SCUBE1: variants seen among roughly 807,000 people sequenced by gnomAD.
SCUBE1 encodes the protein signal peptide, CUB domain and EGF like domain containing 1.
SCUBE1 carries 59 observed loss-of-function variants against 124.4 expected under a neutral mutation model. The ratio of observed to expected loss-of-function variants is 0.47; its 90% CI spans 0.38 to 0.59. The LOEUF (loss-of-function observed/expected upper bound fraction) is 0.59. Among genes scored for constraint, SCUBE1 ranks in the 20% least tolerant of loss-of-function variants. The pLI is 0.00. For synonymous variants in SCUBE1, 545 were observed against 550.9 expected, an observed-to-expected ratio of 0.99 and a Z score of 0.15; for missense variants, 1,150 against 1,371.2, an observed-to-expected ratio of 0.84 and a Z score of 2.55.
In SCUBE1 at chr22:43,258,249, C is replaced by A; in HGVS notation, c.697G>T (p.Ala233Ser). Reference protein sequence around the residue: ...GPTCGCHQKYALHSDGRTCIE... With the variant: ...GPTCGCHQKYSLHSDGRTCIE... ...CACGTGCGACCGTCTGAGTGGAGGG[C>A]GTACTTCTGGTGGCAACCACACGTG... Residue 233 changes from alanine (A) to serine (S), a missense_variant, in exon 6 of 22, where the codon GCC becomes TCC. Transcript: ENST00000360835. The surrounding 1 kb of genome is among the most constrained non-coding windows in gnomAD (Gnocchi z 5.0). 6.2e-7 allele frequency: 1 copy of A among 1,613,274 alleles called. No homozygotes were observed. The highest frequency in any genetic ancestry group is 8.5e-7 in the Non-Finnish European group (1 of 1,179,816).
At chr22:43,287,512 G>A (rs1247429347) in intron 4 of SCUBE1, among the ~76,000 whole-genome samples, 1 of 152,224 alleles carries the variant, frequency 6.6e-6, no homozygotes, top group East Asian at 1.9e-4. Context: ...GGTGTGCTCT[G>A]GCGCCTAGAA....
intron 3 of SCUBE1, among the ~76,000 whole-genome samples, chr22:43,300,226 C>T (rs963022042): frequency 2.6e-5 from 4 of 151,848 alleles, no homozygotes; most frequent in African/African-American, 9.7e-5. Context: ...CACCGTTTTA[C>T]ATTTCCAACC....
chr22:43,296,933 G>A (rs1925583620), intron 3 of SCUBE1, among the ~76,000 whole-genome samples: 1 of 152,230 alleles, frequency 6.6e-6, no homozygotes, highest in Admixed American at 6.5e-5. Flanking sequence ...CTTGAAGGCT[G>A]CTCCCCGTGA....
At chr22:43,318,135 C>T (rs1222482524) in intron 3 of SCUBE1, 1 of 152,136 alleles carries the variant, frequency 6.6e-6, no homozygotes, top group East Asian at 1.9e-4. Flanking sequence ...GTCATGGCAG[C>T]CCCAGGAAAC....
chr22:43,214,141 T>G lies in SCUBE1; in HGVS notation c.2002A>C (p.Ser668Arg), dbSNP rs145901798. The part of the protein sequence containing the change: ...EGQLSCTPCP[S>R]SDGLGLPGAR... Reference sequence around the variant, plus strand: ...CCAGGCAGACCAAGCCCGTCGCTGCTGGGGCACGGTGTGCAACTGAGCTGG... The same window carrying G: ...CCAGGCAGACCAAGCCCGTCGCTGCGGGGGCACGGTGTGCAACTGAGCTGG... The change falls in exon 16 of 22, where the codon AGC becomes CGC. Residue 668 changes from serine (S) to arginine (R), a missense_variant. Physicochemically the swap from Ser to Arg is moderately radical, Grantham distance 110 (BLOSUM62 -1). Coordinates refer to ENST00000360835, the MANE Select transcript of SCUBE1 (RefSeq NM_173050.5). The G allele has an allele frequency of 9.9e-6, 15 of 1,520,932 alleles. No individual in the cohort carries two copies. The highest frequency in any genetic ancestry group is 3.6e-6 in the Non-Finnish European group (4 of 1,122,178). 94.2% of individuals were successfully genotyped at this position (1,520,932 alleles called of 1,614,324 possible). A position where few individuals can be genotyped will look rare whatever the true frequency, so the allele number is the denominator to read the frequency against.
chr22:43,321,941 T>C (rs562730869), intron 2 of SCUBE1, among the ~76,000 whole-genome samples: 1 of 152,270 alleles, frequency 6.6e-6, no homozygotes, highest in East Asian at 1.9e-4. Context: ...TAAGGGAGAA[T>C]GTGATATTTT....
At chr22:43,232,740 C>T (rs1432182120) in intron 7 of SCUBE1, among the ~76,000 whole-genome samples, 1 of 152,250 alleles carries the variant, frequency 6.6e-6, no homozygotes, top group East Asian at 1.9e-4. Flanking sequence ...AACTTTCTCC[C>T]TCCCAGCATG....
At chr22:43,223,317 C>G in intron 10 of SCUBE1, 101 bp from the exon 11 acceptor site, 1 of 1,333,466 alleles carries the variant, frequency 7.5e-7, no homozygotes, top group African/African-American at 1.5e-5. Context: ...TCCCCCAACT[C>G]CCTTCTTCCA....
intron 4 of SCUBE1, among the ~76,000 whole-genome samples, chr22:43,272,918 T>C (rs1229754112): frequency 6.6e-6 from 1 of 152,220 alleles, no homozygotes; most frequent in Non-Finnish European, 1.5e-5. Context: ...TGACTTGCCC[T>C]GGTCACGCAG....
At chr22:43,300,654 C>G (rs1202313305) in intron 3 of SCUBE1, among the ~76,000 whole-genome samples, 3 of 152,092 alleles carry the variant, frequency 2.0e-5, no homozygotes, top group Non-Finnish European at 4.4e-5. Context: ...ATATGATTGG[C>G]AAATACTTTT....
chr22:43,297,076 C>T (rs903191870), intron 3 of SCUBE1, among the ~76,000 whole-genome samples: 7 of 152,230 alleles, frequency 4.6e-5, no homozygotes, highest in African/African-American at 1.4e-4. Flanking sequence ...GTCTGGCCCT[C>T]GTCCCACCCA....
At chr22:43,213,023 C>G (rs1921638204) in intron 16 of SCUBE1, 1 of 212,034 alleles carries the variant, frequency 4.7e-6, no homozygotes, top group Non-Finnish European at 9.4e-6. Flanking sequence ...CCAGCAGGGC[C>G]AGGCCAGAGC....
intron 3 of SCUBE1, among the ~76,000 whole-genome samples, chr22:43,293,332 C>T (rs953950452): frequency 5.2e-5 from 8 of 152,388 alleles, no homozygotes; most frequent in East Asian, 1.9e-4. Context: ...GATGAGGACA[C>T]GGAGGCTCCG....
In SCUBE1 at chr22:43,211,259, G is replaced by A. The variant is rs1329502011; in HGVS notation, c.2222-176C>T. Among the ~76,000 whole-genome samples, 1 of 152,188 alleles carries A rather than the reference G, an allele frequency of 6.6e-6. No homozygotes were observed. The highest frequency in any genetic ancestry group is 2.4e-5 in the African/African-American group (1 of 41,436). On this transcript the variant is annotated intron_variant, in intron 17 of 21. Coordinates refer to ENST00000360835, the MANE Select transcript of SCUBE1 (RefSeq NM_173050.5). This position sits in a 1 kb window ranked among gnomAD's most constrained non-coding sequence, Gnocchi z 4.5. ...ACCCTCACTCCGCCATGGCCAGGAA[G>A]AGCCCTTGGCGTGGGGGTCACATGG... is the stretch of plus-strand genomic sequence containing the variant.
At chr22:43,317,393 T>C (rs1244871292) in intron 3 of SCUBE1, among the ~76,000 whole-genome samples, 2 of 152,152 alleles carry the variant, frequency 1.3e-5, no homozygotes, top group East Asian at 1.9e-4. Context: ...ACCATGTAGA[T>C]AGTAACAGTT....
At chr22:43,305,927 C>A (rs1040135921) in intron 3 of SCUBE1, among the ~76,000 whole-genome samples, 1 of 152,202 alleles carries the variant, frequency 6.6e-6, no homozygotes, top group Non-Finnish European at 1.5e-5. Context: ...TGCCAGCAGT[C>A]TATTTCTAGC....
In SCUBE1 at chr22:43,255,588, A is replaced by G; in HGVS notation, c.727+2631T>C. On this transcript the variant is annotated intron_variant, in intron 6 of 21. Transcript: ENST00000360835. This position sits in a 1 kb window ranked among gnomAD's most constrained non-coding sequence, Gnocchi z 4.7. Reference sequence around the variant, plus strand: ...CAGCCTCATCCTTCTCTAAAACACAAGTAAGGGACAAACACGGAGCCAGTG... The same window carrying G: ...CAGCCTCATCCTTCTCTAAAACACAGGTAAGGGACAAACACGGAGCCAGTG... The G allele has an allele frequency of 2.6e-6, 4 of 1,548,914 alleles. No homozygotes were observed. Among genetic ancestry groups the G allele is most frequent in the Non-Finnish European group, 3.5e-6 (4 of 1,145,662 alleles).
chr22:43,322,824 T>C (rs1354058903), intron 2 of SCUBE1, among the ~76,000 whole-genome samples: 2 of 152,238 alleles, frequency 1.3e-5, no homozygotes, highest in African/African-American at 4.8e-5. Flanking sequence ...TTTTATTCTA[T>C]GCTTGGGTAA....
At chr22:43,341,817 T>C (rs1376988730) in intron 1 of SCUBE1, among the ~76,000 whole-genome samples, 1 of 151,528 alleles carries the variant, frequency 6.6e-6, no homozygotes, top group Non-Finnish European at 1.5e-5. Context: ...GCTGCTGGGG[T>C]TTCACAGTCA....
Sources: allele counts gnomAD v4.1 joint callset (sites outside exome capture counted in the v4.1 genomes callset), GRCh38; gene constraint gnomAD v4.1.1; non-coding constraint Gnocchi (gnomAD v3.1); transcripts MANE v1.5; gene names NCBI Gene and HGNC (gene_info 2026-07-23, HGNC 2026-07-21).